Variants in FGGY observed in about 807,000 individuals in gnomAD.
FGGY encodes the protein FGGY carbohydrate kinase domain containing, also known as FGGY carbohydrate kinase domain-containing protein.
FGGY carries 72 observed loss-of-function variants against 71.3 expected under a neutral mutation model. The ratio of observed to expected loss-of-function variants is 1.01; its 90% CI spans 0.84 to 1.23. FGGY has a LOEUF of 1.23. Ranked by LOEUF, FGGY falls within the 50% of genes most tolerant of loss-of-function variation. FGGY has a pLI of 0.00. For synonymous variants in FGGY, 251 were observed against 250.3 expected, an observed-to-expected ratio of 1.00 and a Z score of -0.02; for missense variants, 668 against 682.3, an observed-to-expected ratio of 0.98 and a Z score of 0.23.
At chr1:59,549,034 C>T (rs2095568083) in intron 7 of FGGY, among the ~76,000 whole-genome samples, 1 of 152,214 alleles carries the variant, frequency 6.6e-6, no homozygotes, top group Non-Finnish European at 1.5e-5. Context: ...TTCTGTTTAA[C>T]ATAAATGAAT....
At chr1:59,480,703 G>A (rs766088406) in intron 6 of FGGY, among the ~76,000 whole-genome samples, 3 of 152,200 alleles carry the variant, frequency 2.0e-5, no homozygotes, top group Non-Finnish European at 4.4e-5. Flanking sequence ...GATGCTGACA[G>A]AAGTGACAGC....
chr1:59,680,184 T>C (rs2097482048), intron 14 of FGGY, among the ~76,000 whole-genome samples: 1 of 152,112 alleles, frequency 6.6e-6, no homozygotes, highest in Admixed American at 6.5e-5. Flanking sequence ...GTCCTGATAT[T>C]ATCAGCTTTT....
intron 14 of FGGY, among the ~76,000 whole-genome samples, chr1:59,726,626 T>A (rs1402079250): frequency 1.3e-5 from 2 of 152,142 alleles, no homozygotes; most frequent in African/African-American, 4.8e-5. Context: ...TCTATTCAGA[T>A]GATTTATTTC....
At chr1:59,542,972 T>TGGGCAGGTGTCAA (rs1422192146) in intron 7 of FGGY, among the ~76,000 whole-genome samples, 5 of 152,074 alleles carry the variant, frequency 3.3e-5, no homozygotes, top group African/African-American at 1.2e-4. Flanking sequence ...CCAGAGAAGG[T>TGGGCAGGTGTCAA]GGGCAGGTGT....
intron 5 of FGGY, among the ~76,000 whole-genome samples, chr1:59,428,399 C>T (rs79266122): frequency 0.012 from 1,758 of 152,308 alleles, 31 homozygotes; most frequent in African/African-American, 0.04. Context: ...GTCTGTCTGC[C>T]TCCAGAACCG....
At chr1:59,472,830 A>G (rs2093035547) in intron 6 of FGGY, among the ~76,000 whole-genome samples, 1 of 151,814 alleles carries the variant, frequency 6.6e-6, no homozygotes, top group Non-Finnish European at 1.5e-5. Flanking sequence ...GGCTCTCTGT[A>G]TCTAGCTGAA....
chr1:59,334,289 C>G (rs2049047233), intron 2 of FGGY, among the ~76,000 whole-genome samples: 1 of 152,096 alleles, frequency 6.6e-6, no homozygotes. Flanking sequence ...ACTACAGGCA[C>G]ATGGCACCAC....
At chr1:59,451,356 ACT>A (rs2072658646) in intron 5 of FGGY, among the ~76,000 whole-genome samples, 1 of 143,582 alleles carries the variant, frequency 7.0e-6, no homozygotes, top group African/African-American at 2.7e-5. Flanking sequence ...CCAGACTGTT[ACT>A]AAGTTTTTTT....
Position 59,701,337 on chromosome 1 carries a change from T to C in FGGY, c.1512+27204T>C, listed in dbSNP as rs991488103. Among the ~76,000 whole-genome samples, 3 of 152,200 alleles carry C rather than the reference T, an allele frequency of 2.0e-5. No individual in the cohort carries two copies. The East Asian group carries it at 5.8e-4, about 29-fold the overall frequency. ...ACTTCACACAAGTTTGGTGACTCTT[T>C]TTTTATGTCTGCCTCTCCACTAGAC... On this transcript the variant is annotated intron_variant, in intron 14 of 15. Transcript: ENST00000303721.
intron 1 of FGGY, among the ~76,000 whole-genome samples, chr1:59,305,984 C>T (rs757905262): frequency 2.6e-5 from 4 of 152,180 alleles, no homozygotes; most frequent in African/African-American, 4.8e-5. Context: ...CTGGGCTTGG[C>T]CTGTGTTCAT....
intron 4 of FGGY, among the ~76,000 whole-genome samples, chr1:59,371,190 C>G (rs1429602497): frequency 6.6e-6 from 1 of 151,792 alleles, no homozygotes; most frequent in African/African-American, 2.4e-5. Context: ...CACATAGGCT[C>G]AAAATAACAG....
At chr1:59,342,016 C>T (rs182621465) in intron 3 of FGGY, among the ~76,000 whole-genome samples, 282 of 152,212 alleles carry the variant, frequency 1.9e-3, no homozygotes, top group African/African-American at 6.3e-3. Context: ...CCATAAAGCA[C>T]AAGAGCCATG....
chr1:59,350,520 G>A (rs377561428), intron 4 of FGGY, among the ~76,000 whole-genome samples: 7 of 152,314 alleles, frequency 4.6e-5, no homozygotes, highest in African/African-American at 1.7e-4. Context: ...GTTCATCTGT[G>A]TTATGGTAGG....
At chr1:59,340,205 CAT>C in intron 3 of FGGY, 136 bp downstream of exon 3, 1 of 634,264 alleles carries the variant, frequency 1.6e-6, no homozygotes, top group South Asian at 2.0e-5. Context: ...TGACACAGAT[CAT>C]GTTGCAGAAG....
At chr1:59,726,045 A>G (rs1414545344) in intron 14 of FGGY, among the ~76,000 whole-genome samples, 4 of 152,058 alleles carry the variant, frequency 2.6e-5, no homozygotes, top group Non-Finnish European at 5.9e-5. Context: ...ATAGCTGTAG[A>G]GTTTTTTTGT....
chr1:59,359,382 C>A (rs974957678), intron 4 of FGGY, among the ~76,000 whole-genome samples: 2 of 152,120 alleles, frequency 1.3e-5, no homozygotes, highest in African/African-American at 2.4e-5. Context: ...ATGAAAGAAT[C>A]ATACTTGAGA....
chr1:59,376,688 C>T (rs555596236), intron 4 of FGGY, among the ~76,000 whole-genome samples: 19 of 152,228 alleles, frequency 1.2e-4, no homozygotes, highest in Non-Finnish European at 2.5e-4. Flanking sequence ...CTGTGTGTTA[C>T]CCTGCGGCAG....
intron 14 of FGGY, among the ~76,000 whole-genome samples, chr1:59,700,393 A>G (rs1335015953): frequency 6.6e-6 from 1 of 152,228 alleles, no homozygotes; most frequent in Non-Finnish European, 1.5e-5. Context: ...CTCAGTCACC[A>G]TGGGACAGGA....
chr1:59,614,451 C>G (rs1422817941), intron 9 of FGGY, among the ~76,000 whole-genome samples: 1 of 152,102 alleles, frequency 6.6e-6, no homozygotes, highest in Non-Finnish European at 1.5e-5. Flanking sequence ...TTCAACAACC[C>G]CTCATGCTAA....
Sources: allele counts gnomAD v4.1 joint callset (sites outside exome capture counted in the v4.1 genomes callset), GRCh38; gene constraint gnomAD v4.1.1; transcripts MANE v1.5; gene names NCBI Gene and HGNC (gene_info 2026-07-23, HGNC 2026-07-21).